HCN1: variants seen among roughly 807,000 people sequenced by gnomAD.
The protein encoded by HCN1 is hyperpolarization activated cyclic nucleotide gated potassium channel 1.
In HCN1, 13 loss-of-function variants were observed where a neutral mutation model predicts 78.9. The ratio of observed to expected loss-of-function variants is 0.16; its 90% CI spans 0.11 to 0.26. HCN1 has a LOEUF of 0.26. Ranked by LOEUF, HCN1 falls within the 10% of genes least tolerant of loss-of-function variation. HCN1 has a pLI of 1.00. For missense variants in HCN1, 810 were observed against 1,154.3 expected, an observed-to-expected ratio of 0.70 and a Z score of 4.32; for synonymous variants, 552 against 455.5, an observed-to-expected ratio of 1.21 and a Z score of -2.70.
chr5:45,515,390 C>T (rs909124199), intron 2 of HCN1, among the ~76,000 whole-genome samples: 4 of 151,950 alleles, frequency 2.6e-5, no homozygotes, highest in Non-Finnish European at 5.9e-5. Context: ...TTGCTGAACT[C>T]TCATTTATTC....
intron 1 of HCN1, among the ~76,000 whole-genome samples, chr5:45,688,491 G>T (rs374495023): frequency 7.2e-5 from 11 of 151,896 alleles, no homozygotes; most frequent in African/African-American, 2.7e-4. Flanking sequence ...TATTACTGTA[G>T]GAAAAAATAA....
At chr5:45,413,475 G>A (rs766969053) in intron 3 of HCN1, among the ~76,000 whole-genome samples, 1 of 152,004 alleles carries the variant, frequency 6.6e-6, no homozygotes, top group Non-Finnish European at 1.5e-5. Context: ...TGACATAGCT[G>A]ACTGATGATT....
intron 2 of HCN1, among the ~76,000 whole-genome samples, chr5:45,498,636 G>T (rs906447826): frequency 1.3e-5 from 2 of 152,162 alleles, no homozygotes; most frequent in African/African-American, 2.4e-5. Flanking sequence ...GAGGAGCTGC[G>T]TTCCTTTGGA....
chr5:45,287,674 A>G (rs1194939938), intron 6 of HCN1, among the ~76,000 whole-genome samples: 1 of 152,046 alleles, frequency 6.6e-6, no homozygotes, highest in Non-Finnish European at 1.5e-5. Flanking sequence ...AGCTGTCATG[A>G]TTATTTATTC....
intron 2 of HCN1, among the ~76,000 whole-genome samples, chr5:45,538,962 C>T (rs1235186248): frequency 6.6e-6 from 1 of 152,080 alleles, no homozygotes; most frequent in Admixed American, 6.5e-5. Context: ...GCTCTCTTTC[C>T]TTTCTCAATG....
intron 2 of HCN1, among the ~76,000 whole-genome samples, chr5:45,500,998 T>G (rs1742176036): frequency 6.6e-6 from 1 of 152,166 alleles, no homozygotes; most frequent in South Asian, 2.1e-4. Context: ...ATCCTAGGAG[T>G]TACTGTGACA....
At chr5:45,668,287 G>C (rs1746088886) in intron 1 of HCN1, among the ~76,000 whole-genome samples, 1 of 151,814 alleles carries the variant, frequency 6.6e-6, no homozygotes, top group South Asian at 2.1e-4. Flanking sequence ...GGGATTCGGT[G>C]GGAGGTGATT....
chr5:45,334,897 T>C (rs1341745999), intron 5 of HCN1, among the ~76,000 whole-genome samples: 1 of 152,002 alleles, frequency 6.6e-6, no homozygotes, highest in Non-Finnish European at 1.5e-5. Flanking sequence ...TTAGAAGGCA[T>C]TTAAAAAATC....
chr5:45,538,033 TAAAAA>T (rs5867703), intron 2 of HCN1, among the ~76,000 whole-genome samples: 1 of 147,010 alleles, frequency 6.8e-6, no homozygotes, highest in Non-Finnish European at 1.5e-5. Flanking sequence ...CAATAACAGT[TAAAAA>T]AAAAAAAACA....
At chr5:45,350,209 G>C (rs1365308436) in intron 5 of HCN1, among the ~76,000 whole-genome samples, 2 of 152,110 alleles carry the variant, frequency 1.3e-5, no homozygotes, top group Admixed American at 6.5e-5. Flanking sequence ...GGGATGCAAG[G>C]CTGGTTCAAT....
chr5:45,468,147 C>A (rs887189499), intron 2 of HCN1, among the ~76,000 whole-genome samples: 3 of 152,058 alleles, frequency 2.0e-5, no homozygotes, highest in Non-Finnish European at 4.4e-5. Context: ...CTTTATTTCC[C>A]AAATGGTGTA....
At chr5:45,550,837 G>T (rs1743352372) in intron 2 of HCN1, among the ~76,000 whole-genome samples, 1 of 151,934 alleles carries the variant, frequency 6.6e-6, no homozygotes, top group Admixed American at 6.6e-5. Context: ...ATCTGCACTT[G>T]CTTAGAAGAG....
At chr5:45,451,745 A>T (rs1057467982) in intron 3 of HCN1, among the ~76,000 whole-genome samples, 2 of 152,002 alleles carry the variant, frequency 1.3e-5, no homozygotes, top group African/African-American at 4.8e-5. Flanking sequence ...AGTCACCTAA[A>T]GGCCAAAAAC....
intron 2 of HCN1, chr5:45,559,788 G>A (rs761087544): frequency 6.6e-6 from 1 of 152,214 alleles, no homozygotes; most frequent in East Asian, 1.9e-4. Context: ...AGAAATTCCA[G>A]TGTGGGTAAA....
intron 4 of HCN1, among the ~76,000 whole-genome samples, chr5:45,374,330 A>G (rs1160677416): frequency 7.2e-6 from 1 of 139,628 alleles, no homozygotes; most frequent in Non-Finnish European, 1.5e-5. Flanking sequence ...TATACATTAT[A>G]TACATTATAT....
At chr5:45,672,815 T>C (rs949383599) in intron 1 of HCN1, among the ~76,000 whole-genome samples, 13 of 151,078 alleles carry the variant, frequency 8.6e-5, no homozygotes, top group Admixed American at 1.3e-4. Context: ...TGTTTTATCT[T>C]TTTTTTTAAA....
intron 2 of HCN1, among the ~76,000 whole-genome samples, chr5:45,498,916 C>G (rs1462297703): frequency 6.6e-6 from 1 of 152,144 alleles, no homozygotes; most frequent in African/African-American, 2.4e-5. Context: ...GTCAGGGACC[C>G]ACTTTAGGAG....
At chr5:45,283,726 A>G (rs1745213466) in intron 6 of HCN1, among the ~76,000 whole-genome samples, 1 of 152,172 alleles carries the variant, frequency 6.6e-6, no homozygotes, top group Non-Finnish European at 1.5e-5. Flanking sequence ...TGTGGAAAGC[A>G]GTACAGTGAT....
At chr5:45,411,805 C>A (rs1740029263) in intron 3 of HCN1, among the ~76,000 whole-genome samples, 1 of 152,016 alleles carries the variant, frequency 6.6e-6, no homozygotes, top group South Asian at 2.1e-4. Flanking sequence ...TGCTTCAAAT[C>A]CTAATATTAC....
Sources: gnomAD v4.1 joint callset for allele counts (sites outside exome capture counted in the v4.1 genomes callset) on GRCh38, gnomAD v4.1.1 for gene constraint, MANE v1.5 for transcripts, NCBI Gene and HGNC (gene_info 2026-07-23, HGNC 2026-07-21) for gene names.